The following WDFY3 variants were observed in gnomAD, a reference collection of about 807,000 sequenced individuals.
The protein encoded by WDFY3 is WD repeat and FYVE domain containing 3.
A neutral mutation model predicts 409.6 loss-of-function variants in WDFY3; 66 were observed. That is an observed-to-expected ratio of 0.16 (90% CI 0.13 to 0.20). The LOEUF is 0.20. Ranked by LOEUF, WDFY3 falls within the 10% of genes least tolerant of loss-of-function variation. The probability of loss-of-function intolerance (pLI) is 1.00; values close to 1 mark genes in which losing one functional copy is unlikely to be tolerated. For missense variants in WDFY3, 3,031 were observed against 4,298.1 expected, an observed-to-expected ratio of 0.71 and a Z score of 8.24; for synonymous variants, 1,521 against 1,537.1, an observed-to-expected ratio of 0.99 and a Z score of 0.25.
chr4:84,799,480 T>A (rs970111418), intron 17 of WDFY3, among the ~76,000 whole-genome samples: 1 of 152,128 alleles, frequency 6.6e-6, no homozygotes, highest in African/African-American at 2.4e-5. Flanking sequence ...CCTCATACTT[T>A]ATTTCATTAA....
chr4:84,850,787 C>T (rs1758807104), intron 4 of WDFY3, among the ~76,000 whole-genome samples: 2 of 151,952 alleles, frequency 1.3e-5, no homozygotes, highest in South Asian at 2.1e-4. Flanking sequence ...AGTCTAATCA[C>T]AATAATTTAC....
At chr4:84,941,989 A>G (rs1216181128) in intron 1 of WDFY3, among the ~76,000 whole-genome samples, 1 of 152,048 alleles carries the variant, frequency 6.6e-6, no homozygotes, top group East Asian at 1.9e-4. Context: ...AAATAAATAA[A>G]TAAAACTCAC....
chr4:84,834,489 AC>A, intron 7 of WDFY3, among the ~76,000 whole-genome samples: 1 of 146,826 alleles, frequency 6.8e-6, no homozygotes, highest in African/African-American at 2.4e-5. Flanking sequence ...TCTACTAAAA[AC>A]AAAAAAAAAA....
chr4:84,817,004 TTACA>T (rs558681230), intron 13 of WDFY3, among the ~76,000 whole-genome samples: 7 of 152,138 alleles, frequency 4.6e-5, no homozygotes. Flanking sequence ...TATCCATTAC[TTACA>T]TACATACATA....
At chr4:84,714,818 C>T (rs890653260) in intron 50 of WDFY3, among the ~76,000 whole-genome samples, 1 of 151,708 alleles carries the variant, frequency 6.6e-6, no homozygotes, top group Admixed American at 6.6e-5. Context: ...GGGATGGTGG[C>T]GGGTGCCTGC....
Position 84,796,761 on chromosome 4 carries a change from C to T in WDFY3, c.2936-9G>A, listed in dbSNP as rs1160448986. 1 of 1,596,074 alleles carries T rather than the reference C, an allele frequency of 6.3e-7. No individual in the cohort carries two copies. Among genetic ancestry groups the T allele is most frequent in the Admixed American group, 1.7e-5 (1 of 58,596 alleles). ...AGATGTGATCATACTACCTGTAAGT[C>T]AAGGAAATCTCTTGGGAAAATGTCA... On this transcript the variant is annotated splice_polypyrimidine_tract_variant and intron_variant, in intron 18 of 67. Transcript: ENST00000295888.
At chr4:84,838,894 A>G (rs1020215183) in intron 6 of WDFY3, among the ~76,000 whole-genome samples, 1 of 151,982 alleles carries the variant, frequency 6.6e-6, no homozygotes, top group Non-Finnish European at 1.5e-5. Context: ...TTATGGTACT[A>G]TCTTTTTCTG....
Position 84,671,032 on chromosome 4 carries a change from G to A in WDFY3, c.*1836C>T, listed in dbSNP as rs1421887913. 1 of 152,570 alleles carries A rather than the reference G, an allele frequency of 6.6e-6. No individual in the cohort carries two copies. The highest frequency in any genetic ancestry group is 2.4e-5 in the African/African-American group (1 of 41,430). The allele number at this position is 152,570 out of a possible 1,614,324, so 9.5% of individuals were successfully genotyped here. Reference sequence around the variant, plus strand: ...CAATTTTGATATGTAATCATAAATAGACTGTAGGCTCAAACCCAGGTAAAT... The same window carrying A: ...CAATTTTGATATGTAATCATAAATAAACTGTAGGCTCAAACCCAGGTAAAT... On this transcript the variant is annotated 3_prime_UTR_variant, in exon 68 of 68. Transcript: ENST00000295888.
intron 2 of WDFY3, among the ~76,000 whole-genome samples, chr4:84,920,884 T>C (rs1422577671): frequency 6.6e-6 from 1 of 152,228 alleles, no homozygotes; most frequent in East Asian, 1.9e-4. Flanking sequence ...CCTAATCACT[T>C]AGCATTTCTC....
intron 32 of WDFY3, among the ~76,000 whole-genome samples, chr4:84,759,959 T>C (rs1309891363): frequency 6.6e-6 from 1 of 151,808 alleles, no homozygotes; most frequent in East Asian, 1.9e-4. Context: ...ATAGCTCTTA[T>C]TATTTTGAGA....
Position 84,821,450 on chromosome 4 carries a change from T to G in WDFY3, c.1225A>C (p.Asn409His). 6.2e-7 allele frequency: 1 copy of G among 1,613,882 alleles called. No individual in the cohort carries two copies. The highest frequency in any genetic ancestry group is 1.3e-5 in the African/African-American group (1 of 75,038). Residue 409 changes from asparagine to histidine, a missense_variant, in exon 11 of 68, where the codon AAT becomes CAT. This residue lies in a region of WDFY3 where 1,322 missense variants were observed against 1,697.9 expected (regional missense o/e 0.78). Transcript: ENST00000295888. ...TTGGCATTGTCAGCCATGTAAATAT[T>G]TGTGATAGCATCAAGGATGATTTGG... is the stretch of plus-strand genomic sequence containing the variant. Reference protein sequence around the residue: ...LAQIILDAITNIYMADNANYF... With the variant: ...LAQIILDAITHIYMADNANYF...
At chr4:84,843,068 G>A (rs1015157353) in intron 5 of WDFY3, among the ~76,000 whole-genome samples, 1 of 152,136 alleles carries the variant, frequency 6.6e-6, no homozygotes, top group African/African-American at 2.4e-5. Context: ...TTAAGTACTT[G>A]TGGGTTTAAC....
chr4:84,729,341 A>T (rs1736188164), intron 44 of WDFY3, among the ~76,000 whole-genome samples: 1 of 151,936 alleles, frequency 6.6e-6, no homozygotes, highest in African/African-American at 2.4e-5. Context: ...ACTATCTATA[A>T]TATTTGTTTA....
intron 62 of WDFY3, among the ~76,000 whole-genome samples, chr4:84,686,101 C>T (rs1025319903): frequency 2.4e-4 from 37 of 152,128 alleles, no homozygotes; most frequent in Middle Eastern, 3.4e-3. Flanking sequence ...GTCAGGAGAT[C>T]GAAACCATCT....
chr4:84,943,739 A>T (rs777780511), intron 1 of WDFY3, among the ~76,000 whole-genome samples: 17 of 152,196 alleles, frequency 1.1e-4, no homozygotes, highest in Non-Finnish European at 1.8e-4. Flanking sequence ...TGCTCTTTAA[A>T]GGTGACAAAA....
At chr4:84,723,893 C>T (rs1311753255) in intron 46 of WDFY3, among the ~76,000 whole-genome samples, 4 of 152,042 alleles carry the variant, frequency 2.6e-5, no homozygotes, top group African/African-American at 4.8e-5. Flanking sequence ...GTACAGAATC[C>T]GAAAGTCTAT....
Position 84,755,403 on chromosome 4 carries a change from G to A in WDFY3, c.5425-3C>T, listed in dbSNP as rs1578378239. On this transcript the variant is annotated splice_polypyrimidine_tract_variant and splice_region_variant and intron_variant, in intron 33 of 67. Coordinates refer to ENST00000295888, the MANE Select transcript of WDFY3 (RefSeq NM_014991.6). ...GTCCAAATGGAATCCAAATCAAACT[G>A]CAGAGGTGAAAGGGAGCAAATATTA... The A allele has an allele frequency of 6.2e-7, 1 of 1,604,762 alleles. No individual in the cohort carries two copies. The highest frequency in any genetic ancestry group is 1.3e-5 in the African/African-American group (1 of 74,196).
At chr4:84,782,926 TAAAG>T in intron 25 of WDFY3, 33 bp downstream of exon 25, 4 of 1,593,380 alleles carry the variant, frequency 2.5e-6, no homozygotes, top group Non-Finnish European at 3.4e-6. Flanking sequence ...TGATGGCAAA[TAAAG>T]AAGTTTGAAA....
intron 32 of WDFY3, among the ~76,000 whole-genome samples, chr4:84,762,054 G>C (rs1742716666): frequency 6.6e-6 from 1 of 152,162 alleles, no homozygotes; most frequent in Non-Finnish European, 1.5e-5. Context: ...AGTCAGTGTG[G>C]TGATTCCTCA....
Sources: gnomAD v4.1 joint callset for allele counts (sites outside exome capture counted in the v4.1 genomes callset) on GRCh38, gnomAD v4.1.1 for gene constraint, gnomAD v4.1.1 regional missense constraint, MANE v1.5 for transcripts, NCBI Gene and HGNC (gene_info 2026-07-23, HGNC 2026-07-21) for gene names.